Variants in DSCAML1 observed in about 807,000 individuals in gnomAD.
The protein encoded by DSCAML1 is cell adhesion molecule DSCAML1.
DSCAML1 carries 38 observed loss-of-function variants against 200.5 expected under a neutral mutation model. The observed-to-expected ratio is 0.19, with a 90% confidence interval of 0.15 to 0.25. DSCAML1 has a LOEUF of 0.25. Ranked by LOEUF, DSCAML1 falls within the 10% of genes least tolerant of loss-of-function variation. The probability of loss-of-function intolerance (pLI) is 1.00; values close to 1 mark genes in which losing one functional copy is unlikely to be tolerated. For synonymous variants in DSCAML1, 1,215 were observed against 1,165.0 expected, an observed-to-expected ratio of 1.04 and a Z score of -0.87; for missense variants, 2,223 against 2,858.8, an observed-to-expected ratio of 0.78 and a Z score of 5.07.
At chr11:117,438,556 C>T (rs929807891) in intron 24 of DSCAML1, among the ~76,000 whole-genome samples, 2 of 150,460 alleles carry the variant, frequency 1.3e-5, no homozygotes, top group African/African-American at 2.5e-5. Flanking sequence ...CCCTTGGTGA[C>T]GCAGACGCAC....
intron 3 of DSCAML1, among the ~76,000 whole-genome samples, chr11:117,649,371 C>T (rs996348336): frequency 5.3e-5 from 8 of 152,186 alleles, no homozygotes; most frequent in African/African-American, 1.9e-4. Flanking sequence ...GCCCCGCCAA[C>T]TTATCACTAT....
intron 3 of DSCAML1, among the ~76,000 whole-genome samples, chr11:117,765,712 T>C (rs2054885297): frequency 6.6e-6 from 1 of 152,202 alleles, no homozygotes; most frequent in African/African-American, 2.4e-5. Flanking sequence ...ATGTATTTTC[T>C]CTATACAGAA....
At chr11:117,710,516 C>T (rs567307561) in intron 3 of DSCAML1, among the ~76,000 whole-genome samples, 1 of 152,238 alleles carries the variant, frequency 6.6e-6, no homozygotes, top group African/African-American at 2.4e-5. Flanking sequence ...ACAGCTTTAT[C>T]CTTAGGGACT....
intron 3 of DSCAML1, among the ~76,000 whole-genome samples, chr11:117,715,590 T>G (rs1364804094): frequency 6.6e-6 from 1 of 152,226 alleles, no homozygotes; most frequent in Non-Finnish European, 1.5e-5. Context: ...GATTTTGTCT[T>G]GTGAACGTTT....
chr11:117,755,259 C>T (rs2054667166), intron 3 of DSCAML1, among the ~76,000 whole-genome samples: 3 of 152,110 alleles, frequency 2.0e-5, no homozygotes, highest in Non-Finnish European at 1.5e-5. Context: ...GACAGGGAAC[C>T]TGAATTATGT....
chr11:117,598,098 AC>A (rs1351386749), intron 3 of DSCAML1, among the ~76,000 whole-genome samples: 1 of 152,190 alleles, frequency 6.6e-6, no homozygotes, highest in Non-Finnish European at 1.5e-5. Context: ...GTCACAGCTT[AC>A]AAAAGAAAGC....
chr11:117,688,580 T>C (rs921185518), intron 3 of DSCAML1, among the ~76,000 whole-genome samples: 2 of 152,086 alleles, frequency 1.3e-5, no homozygotes, highest in African/African-American at 4.8e-5. Flanking sequence ...AGGCAGGGAA[T>C]GGGATTTTGG....
chr11:117,454,466 C>A (rs1024651853), intron 19 of DSCAML1, among the ~76,000 whole-genome samples: 7 of 152,186 alleles, frequency 4.6e-5, no homozygotes, highest in Admixed American at 1.3e-4. Context: ...TTCTTAATTT[C>A]AAGTATTAGG....
chr11:117,817,049 A>T (rs1287114178), intron 1 of DSCAML1, among the ~76,000 whole-genome samples: 1 of 152,082 alleles, frequency 6.6e-6, no homozygotes, highest in East Asian at 1.9e-4. Flanking sequence ...CAGAGGCTGG[A>T]TGGGTTTGGA....
At chr11:117,609,922 G>GAGAA (rs1373408265) in intron 3 of DSCAML1, among the ~76,000 whole-genome samples, 1 of 152,132 alleles carries the variant, frequency 6.6e-6, no homozygotes, top group Non-Finnish European at 1.5e-5. Context: ...GGTAGAAACC[G>GAGAA]AGAGGGTCTG....
chr11:117,762,294 G>T (rs1365023652), intron 3 of DSCAML1, among the ~76,000 whole-genome samples: 1 of 152,062 alleles, frequency 6.6e-6, no homozygotes, highest in African/African-American at 2.4e-5. Flanking sequence ...TTCATCATGG[G>T]CTATAGACCA....
rs114433226 is a variant in DSCAML1, at chr11:117,606,751, C to T, written c.512-74229G>A. On this transcript the variant is annotated intron_variant, in intron 3 of 32. Transcript: ENST00000651296. ...GGGATCCCAATTACCTCTGTTGCAC[C>T]GCAAATCTTGCAAATGTTAGCCCAT... Among the ~76,000 whole-genome samples the T allele has an allele frequency of 8.1e-3, 1,236 of 152,284 alleles. 15 individuals are homozygous for T. Among genetic ancestry groups the T allele is most frequent in the African/African-American group, 0.028 (1,167 of 41,552 alleles).
At position 117,433,487 on chromosome 11, in the gene DSCAML1, G is replaced by C; in HGVS notation, c.4877-16C>G. ...CTCTTTGCATCTGCAAAACAGTAGA[G>C]GGAGAGGAGGGCTGGGTGAGAATGA... On this transcript the variant is annotated splice_polypyrimidine_tract_variant and intron_variant, in intron 27 of 32. Transcript: ENST00000651296. 1 of 1,611,974 alleles carries C rather than the reference G, an allele frequency of 6.2e-7. No individual in the cohort carries two copies. Among genetic ancestry groups the C allele is most frequent in the East Asian group, 2.2e-5 (1 of 44,880 alleles).
Position 117,480,706 on chromosome 11 carries a change from C to T in DSCAML1, c.2657-135G>A. ...CCCTAGGGTTTGAGCAGGGTGGGGGCTGGAGGAGGCCAGCAGCCAGGCTTG... is the reference window on the plus strand; with the variant it reads ...CCCTAGGGTTTGAGCAGGGTGGGGGTTGGAGGAGGCCAGCAGCCAGGCTTG... On this transcript the variant is annotated intron_variant, in intron 13 of 32. Coordinates refer to ENST00000651296, the MANE Select transcript of DSCAML1 (RefSeq NM_020693.4). The surrounding 1 kb of genome is among the most constrained non-coding windows in gnomAD (Gnocchi z 4.1). 2 of 940,354 alleles carry T rather than the reference C, an allele frequency of 2.1e-6. No homozygotes were observed. The highest frequency in any genetic ancestry group is 1.6e-6 in the Non-Finnish European group (1 of 632,380). 58.3% of individuals were successfully genotyped at this position (940,354 alleles called of 1,614,324 possible).
intron 31 of DSCAML1, 31 bp from the exon 32 acceptor site, chr11:117,431,064 C>T (rs752163563): frequency 1.5e-5 from 24 of 1,581,042 alleles, no homozygotes; most frequent in East Asian, 4.5e-5. Flanking sequence ...GGGTGGGTTA[C>T]GGGGAGGAGG....
intron 3 of DSCAML1, among the ~76,000 whole-genome samples, chr11:117,685,859 A>T (rs1426648244): frequency 6.6e-6 from 1 of 152,084 alleles, no homozygotes; most frequent in Non-Finnish European, 1.5e-5. Context: ...TGGTATGATG[A>T]CTGTCTAGGG....
At chr11:117,741,980 G>T (rs1290112651) in intron 3 of DSCAML1, among the ~76,000 whole-genome samples, 1 of 152,162 alleles carries the variant, frequency 6.6e-6, no homozygotes, top group Admixed American at 6.5e-5. Flanking sequence ...CCCTGAGAAA[G>T]GTTACCCTGG....
At chr11:117,464,690 A>G (rs1409611245) in intron 17 of DSCAML1, among the ~76,000 whole-genome samples, 1 of 152,210 alleles carries the variant, frequency 6.6e-6, no homozygotes, top group African/African-American at 2.4e-5. Flanking sequence ...AGACAGGCCA[A>G]CAGGTCAACA....
intron 3 of DSCAML1, among the ~76,000 whole-genome samples, chr11:117,573,691 GC>G (rs1240299201): frequency 9.9e-5 from 15 of 152,212 alleles, no homozygotes; most frequent in Non-Finnish European, 1.5e-5. Context: ...ATATGCTTCA[GC>G]CCCCCGTGGA....
Sources: gnomAD v4.1 joint callset for allele counts (sites outside exome capture counted in the v4.1 genomes callset) on GRCh38, gnomAD v4.1.1 for gene constraint, Gnocchi (gnomAD v3.1) non-coding constraint, MANE v1.5 for transcripts, NCBI Gene and HGNC (gene_info 2026-07-23, HGNC 2026-07-21) for gene names.